The following BCAS3 variants were observed in gnomAD, a reference collection of about 807,000 sequenced individuals.
BCAS3 encodes the protein BCAS3 microtubule associated cell migration factor.
BCAS3 carries 53 observed loss-of-function variants against 116.1 expected under a neutral mutation model. The ratio of observed to expected loss-of-function variants is 0.46; its 90% confidence interval spans 0.37 to 0.57. BCAS3 has a LOEUF of 0.57. Ranked by LOEUF, BCAS3 falls within the 20% of genes least tolerant of loss-of-function variation. The pLI is 0.00. For synonymous variants in BCAS3, 391 were observed against 408.2 expected (o/e 0.96, Z 0.51); for missense variants, 917 against 1,165.4 (o/e 0.79, Z 3.10).
intron 23 of BCAS3, among the ~76,000 whole-genome samples, chr17:61,374,557 C>T (rs1717119248): frequency 6.6e-6 from 1 of 152,176 alleles, no homozygotes; most frequent in African/African-American, 2.4e-5. Context: ...CCTGCGGCCC[C>T]GGGCTCACTG....
Position 61,140,363 on chromosome 17 carries a change from A to G in BCAS3, c.2425+55799A>G, listed in dbSNP as rs2076854512. Among the ~76,000 whole-genome samples, 1 of 152,226 alleles carries G rather than the reference A, an allele frequency of 6.6e-6. No homozygotes were observed. The highest frequency in any genetic ancestry group is 2.4e-5 in the African/African-American group (1 of 41,460). ...GCTGTGGAAGATCCAACTGTCAAGG[A>G]AGGTTAGGACCAGACTCTGAAAGTA... On this transcript the variant is annotated intron_variant, in intron 22 of 23. Transcript: ENST00000407086. The surrounding 1 kb of genome is among the most constrained non-coding windows in gnomAD (Gnocchi z 4.2).
intron 8 of BCAS3, 56 bp downstream of exon 8, chr17:60,868,739 A>T: frequency 9.3e-7 from 1 of 1,075,850 alleles, no homozygotes; most frequent in Non-Finnish European, 1.3e-6. Flanking sequence ...TCTCCTGGGC[A>T]TGGAGAACTC....
intron 4 of BCAS3, among the ~76,000 whole-genome samples, chr17:60,691,117 G>C (rs1303680341): frequency 6.6e-6 from 1 of 151,900 alleles, no homozygotes; most frequent in Non-Finnish European, 1.5e-5. Context: ...ATTTTTAGTA[G>C]AGACGAGGTT....
intron 22 of BCAS3, among the ~76,000 whole-genome samples, chr17:61,225,801 CT>C (rs1226269158): frequency 6.6e-6 from 1 of 152,114 alleles, no homozygotes; most frequent in Non-Finnish European, 1.5e-5. Context: ...CTCCCAGCTC[CT>C]TTTTCTACCT....
chr17:60,960,303 A>G lies in BCAS3; in HGVS notation c.1221+12951A>G, dbSNP rs890463958. ...ATCGGCTCAAAGGTCCAATCTTATC[A>G]TCTCAATCATCTGACTCTGGTATGG... On this transcript the variant is annotated intron_variant, in intron 14 of 23. Coordinates refer to ENST00000407086, the MANE Select transcript of BCAS3 (RefSeq NM_017679.5). The surrounding 1 kb of genome is among the most constrained non-coding windows in gnomAD (Gnocchi z 4.1). Among the ~76,000 whole-genome samples the G allele has an allele frequency of 3.3e-4, 50 of 152,252 alleles. No individual in the cohort carries two copies. The highest frequency in any genetic ancestry group is 1.2e-3 in the African/African-American group (49 of 41,548).
At position 61,265,104 on chromosome 17, in the gene BCAS3, A is replaced by C. The variant is rs1224997756; in HGVS notation, c.2426-103223A>C. Among the ~76,000 whole-genome samples, 6 of 152,174 alleles carry C rather than the reference A, an allele frequency of 3.9e-5. No individual in the cohort carries two copies. The highest frequency in any genetic ancestry group is 1.4e-4 in the African/African-American group (6 of 41,446). ...CCGGGTTAGTTTGACAATTACATGGAGTACTATATATAAGAAAGCACAATA... is the reference window on the plus strand; with the variant it reads ...CCGGGTTAGTTTGACAATTACATGGCGTACTATATATAAGAAAGCACAATA... On this transcript the variant is annotated intron_variant, in intron 22 of 23. Coordinates refer to ENST00000407086, the MANE Select transcript of BCAS3 (RefSeq NM_017679.5). The surrounding 1 kb of genome is among the most constrained non-coding windows in gnomAD (Gnocchi z 4.3).
At chr17:61,135,076 G>T (rs2076548234) in intron 22 of BCAS3, among the ~76,000 whole-genome samples, 2 of 152,148 alleles carry the variant, frequency 1.3e-5, no homozygotes, top group Non-Finnish European at 2.9e-5. Context: ...AGACAGTGAG[G>T]TCACCTAAAC....
intron 5 of BCAS3, among the ~76,000 whole-genome samples, chr17:60,713,477 C>T (rs149707654): frequency 6.6e-6 from 1 of 152,024 alleles, no homozygotes; most frequent in Non-Finnish European, 1.5e-5. Flanking sequence ...TACGATTGGC[C>T]CTCTATATAC....
At chr17:60,891,118 A>T in intron 10 of BCAS3, among the ~76,000 whole-genome samples, 1 of 152,138 alleles carries the variant, frequency 6.6e-6, no homozygotes, top group Non-Finnish European at 1.5e-5. Context: ...TTCAAACAAA[A>T]CAAGGCATAC....
At chr17:60,939,962 G>A (rs1751475036) in intron 13 of BCAS3, among the ~76,000 whole-genome samples, 1 of 152,054 alleles carries the variant, frequency 6.6e-6, no homozygotes, top group African/African-American at 2.4e-5. Flanking sequence ...ATGAACATTA[G>A]AATGCTTAAT....
intron 22 of BCAS3, among the ~76,000 whole-genome samples, chr17:61,264,611 T>G (rs2049516907): frequency 6.6e-6 from 1 of 152,186 alleles, no homozygotes; most frequent in East Asian, 1.9e-4. Flanking sequence ...TTTCACCATG[T>G]TGGCCAGGCT....
rs765842177 is a variant in BCAS3 at position 60,964,536 on chromosome 17, G to A, written c.1221+17184G>A. Among the ~76,000 whole-genome samples the A allele has an allele frequency of 6.6e-6, 1 of 152,054 alleles. No homozygotes were observed. The highest frequency in any genetic ancestry group is 2.4e-5 in the African/African-American group (1 of 41,408). On this transcript the variant is annotated intron_variant, in intron 14 of 23. Transcript: ENST00000407086. This position sits in a 1 kb window ranked among gnomAD's most constrained non-coding sequence, Gnocchi z 4.6. ...GTCCTTATCTGATTTTACTGTCAAG[G>A]TAATGCTGGCCTTATAGAATGAGTT...
At chr17:60,969,037 CG>C (rs1253765649) in intron 14 of BCAS3, among the ~76,000 whole-genome samples, 1 of 148,080 alleles carries the variant, frequency 6.8e-6, no homozygotes, top group East Asian at 2.0e-4. Flanking sequence ...CAGGCAGAAT[CG>C]GGGGAGGGGC....
chr17:61,164,006 A>AC (rs2078326801), intron 22 of BCAS3, among the ~76,000 whole-genome samples: 2 of 133,702 alleles, frequency 1.5e-5, no homozygotes, highest in African/African-American at 6.5e-5. Context: ...TCAAAAAAAA[A>AC]AAACCAAAAA....
At chr17:61,178,879 C>A (rs2079305704) in intron 22 of BCAS3, among the ~76,000 whole-genome samples, 1 of 152,082 alleles carries the variant, frequency 6.6e-6, no homozygotes, top group South Asian at 2.1e-4. Context: ...TATGAAGACG[C>A]TGGAGCTTTG....
intron 22 of BCAS3, among the ~76,000 whole-genome samples, chr17:61,150,022 GT>G (rs1029599968): frequency 6.6e-6 from 1 of 152,148 alleles, no homozygotes; most frequent in Non-Finnish European, 1.5e-5. Flanking sequence ...GTTTGCAGAT[GT>G]TTTTTCCTAA....
At chr17:60,702,265 G>A (rs186889385) in intron 4 of BCAS3, among the ~76,000 whole-genome samples, 16 of 152,296 alleles carry the variant, frequency 1.1e-4, no homozygotes, top group Admixed American at 9.8e-4. Flanking sequence ...CAAGAATTGC[G>A]AGTATTCGCT....
chr17:60,742,510 G>C (rs1249843427), intron 5 of BCAS3, among the ~76,000 whole-genome samples: 1 of 136,064 alleles, frequency 7.3e-6, no homozygotes, highest in Admixed American at 8.7e-5. Context: ...TCAGCTCACT[G>C]CAACTTCCGC....
intron 7 of BCAS3, among the ~76,000 whole-genome samples, chr17:60,825,292 A>G (rs1168724459): frequency 6.6e-6 from 1 of 151,730 alleles, no homozygotes; most frequent in Admixed American, 6.6e-5. Flanking sequence ...ACATTATTTC[A>G]TTATATACAT....
Sources: allele counts gnomAD v4.1 joint callset (sites outside exome capture counted in the v4.1 genomes callset), GRCh38; gene constraint gnomAD v4.1.1; non-coding constraint Gnocchi (gnomAD v3.1); transcripts MANE v1.5; gene names NCBI Gene and HGNC (gene_info 2026-07-23, HGNC 2026-07-21).